The following CCDC172 variants were observed in gnomAD, a reference collection of about 807,000 sequenced individuals.
The protein encoded by CCDC172 is coiled-coil domain containing 172.
A neutral mutation model predicts 38.0 loss-of-function variants in CCDC172; 30 were observed. That is an observed-to-expected ratio of 0.79 (90% CI 0.59 to 1.07). The LOEUF (loss-of-function observed/expected upper bound fraction) is 1.07, where lower values mean the gene tolerates loss of function less well. CCDC172 is among the 50% of genes least tolerant of loss of function. The pLI is 0.00. For synonymous variants in CCDC172, 78 were observed against 88.3 expected, an observed-to-expected ratio of 0.88 and a Z score of 0.66; for missense variants, 297 against 290.1, an observed-to-expected ratio of 1.02 and a Z score of -0.17.
At chr10:116,347,817 A>G (rs548780327) in intron 5 of CCDC172, among the ~76,000 whole-genome samples, 3 of 152,236 alleles carry the variant, frequency 2.0e-5, no homozygotes, top group South Asian at 4.2e-4. Context: ...TGGGTTTTCT[A>G]TGTTTAGTTG....
intron 2 of CCDC172, 99 bp downstream of exon 2, chr10:116,325,189 G>T: frequency 2.0e-6 from 3 of 1,480,652 alleles, no homozygotes; most frequent in Non-Finnish European, 2.8e-6. Context: ...GAGCCGTTAG[G>T]GGAGCTTGCA....
At chr10:116,343,689 T>C (rs888491180) in intron 5 of CCDC172, among the ~76,000 whole-genome samples, 2 of 152,238 alleles carry the variant, frequency 1.3e-5, no homozygotes, top group Admixed American at 1.3e-4. Flanking sequence ...AAAAACTTTG[T>C]GGGTCTCACG....
intron 3 of CCDC172, among the ~76,000 whole-genome samples, chr10:116,326,769 T>C (rs890206278): frequency 1.3e-5 from 2 of 152,202 alleles, no homozygotes; most frequent in Admixed American, 1.3e-4. Flanking sequence ...TCTAACAGTA[T>C]ATAGTATACA....
intron 7 of CCDC172, among the ~76,000 whole-genome samples, chr10:116,365,051 A>C (rs1461606019): frequency 6.6e-6 from 1 of 152,178 alleles, no homozygotes; most frequent in Admixed American, 6.6e-5. Context: ...AAGTGCCCTT[A>C]GTTCAGTGAG....
chr10:116,341,002 A>C, intron 4 of CCDC172, 152 bp downstream of exon 4: 1 of 623,552 alleles, frequency 1.6e-6, no homozygotes, highest in Non-Finnish European at 2.8e-6. Context: ...ATTTAAAACC[A>C]ATTGGTAGAG....
intron 7 of CCDC172, among the ~76,000 whole-genome samples, chr10:116,369,385 A>C (rs1275666467): frequency 2.6e-5 from 4 of 152,066 alleles, no homozygotes; most frequent in Middle Eastern, 3.4e-3. Flanking sequence ...TTTTTGATTC[A>C]TCCTTCCTGT....
intron 5 of CCDC172, among the ~76,000 whole-genome samples, chr10:116,347,117 C>A (rs1844877484): frequency 6.6e-6 from 1 of 151,950 alleles, no homozygotes; most frequent in African/African-American, 2.4e-5. Flanking sequence ...AGAGATAGTT[C>A]TGGGCTAGAG....
chr10:116,356,167 T>C (rs1010578248), intron 5 of CCDC172, among the ~76,000 whole-genome samples: 1 of 151,580 alleles, frequency 6.6e-6, no homozygotes, highest in Admixed American at 6.6e-5. Context: ...CCGTCTCTAT[T>C]AAAAACACAA....
rs376582799 is a variant in CCDC172, at chr10:116,354,681, G to A, written c.449-2699G>A. Among the ~76,000 whole-genome samples the A allele has an allele frequency of 9.8e-5, 15 of 152,328 alleles. No homozygotes were observed. In the South Asian group the frequency reaches 2.9e-3, roughly 29 times the overall value. On this transcript the variant is annotated intron_variant, in intron 5 of 8. Transcript: ENST00000333254. ...GGAGGCGGAGGTTGCAGTGAGCTGA[G>A]ATCATGCCACTGCACTCCAGCCTGG...
chr10:116,334,836 T>C (rs945492613), intron 3 of CCDC172, among the ~76,000 whole-genome samples: 1 of 152,102 alleles, frequency 6.6e-6, no homozygotes, highest in African/African-American at 2.4e-5. Context: ...CTCACAGTTT[T>C]ACTACTCATA....
chr10:116,352,660 A>C (rs1342641711), intron 5 of CCDC172, among the ~76,000 whole-genome samples: 1 of 152,166 alleles, frequency 6.6e-6, no homozygotes, highest in East Asian at 1.9e-4. Flanking sequence ...AGCTAATGTC[A>C]TTCTTAATGA....
At chr10:116,366,287 C>T (rs1845121755) in intron 7 of CCDC172, among the ~76,000 whole-genome samples, 1 of 152,046 alleles carries the variant, frequency 6.6e-6, no homozygotes, top group Non-Finnish European at 1.5e-5. Flanking sequence ...CCCTTCATTA[C>T]CCCAGATATC....
At chr10:116,336,830 A>G (rs1288084385) in intron 3 of CCDC172, among the ~76,000 whole-genome samples, 1 of 152,172 alleles carries the variant, frequency 6.6e-6, no homozygotes, top group Non-Finnish European at 1.5e-5. Context: ...GGACCCTAAC[A>G]TTAATTTTAA....
intron 5 of CCDC172, among the ~76,000 whole-genome samples, chr10:116,342,456 G>C (rs776507814): frequency 6.6e-6 from 1 of 152,086 alleles, no homozygotes; most frequent in Non-Finnish European, 1.5e-5. Flanking sequence ...ACTGTTCTAG[G>C]TCTTGAAGAT....
intron 3 of CCDC172, among the ~76,000 whole-genome samples, chr10:116,338,110 T>C (rs1305839414): frequency 6.6e-6 from 1 of 152,186 alleles, no homozygotes; most frequent in East Asian, 1.9e-4. Flanking sequence ...TTAATAATAA[T>C]AGGCCTCATC....
chr10:116,341,170 G>T (rs150124428), intron 4 of CCDC172, among the ~76,000 whole-genome samples: 178 of 152,070 alleles, frequency 1.2e-3, no homozygotes, highest in African/African-American at 4.1e-3. Context: ...CACACTTTAG[G>T]CATATTTATG....
intron 5 of CCDC172, 86 bp downstream of exon 5, chr10:116,342,287 T>G: frequency 8.3e-7 from 1 of 1,200,918 alleles, no homozygotes; most frequent in Non-Finnish European, 1.1e-6. Context: ...TTTAACTTTT[T>G]CATGAGCAAA....
chr10:116,340,855 G>A lies in CCDC172; in HGVS notation c.282+5G>A. 2 of 1,389,166 alleles carry A rather than the reference G, an allele frequency of 1.4e-6. No homozygotes were observed. The highest frequency in any genetic ancestry group is 2.0e-6 in the Non-Finnish European group (2 of 983,440). The allele number at this position is 1,389,166 out of a possible 1,614,324, so 86.1% of individuals were successfully genotyped here. ...AATATGCTTCTTCAAACCTTTGTAA[G>A]TTTCCAGCCACCTAGAAAAATCTAT... On this transcript the variant is annotated splice_donor_5th_base_variant and intron_variant, in intron 4 of 8. Coordinates refer to ENST00000333254, the MANE Select transcript of CCDC172 (RefSeq NM_198515.3).
intron 7 of CCDC172, among the ~76,000 whole-genome samples, chr10:116,364,517 T>C (rs1392747582): frequency 6.6e-6 from 1 of 152,096 alleles, no homozygotes; most frequent in African/African-American, 2.4e-5. Context: ...CATAGTAATA[T>C]TATTTATGGT....
Sources: gnomAD v4.1 joint callset for allele counts (sites outside exome capture counted in the v4.1 genomes callset) on GRCh38, gnomAD v4.1.1 for gene constraint, MANE v1.5 for transcripts, NCBI Gene and HGNC (gene_info 2026-07-23, HGNC 2026-07-21) for gene names.